Variants in NDUFA10 observed in about 807,000 individuals in gnomAD.
NDUFA10 encodes the protein NADH:ubiquinone oxidoreductase subunit A10.
Under a neutral mutation model 47.8 loss-of-function variants are expected in NDUFA10, and 40 were observed. The observed-to-expected ratio is 0.84, with a 90% CI of 0.65 to 1.09. NDUFA10 has a LOEUF of 1.09. NDUFA10 is among the 50% of genes least tolerant of loss of function. The pLI, the probability that NDUFA10 is intolerant of heterozygous loss-of-function variation, is 0.00. For missense variants in NDUFA10, 413 were observed against 451.1 expected (o/e 0.92, Z 0.76); for synonymous variants, 183 against 172.2 (o/e 1.06, Z -0.49).
intron 4 of NDUFA10, among the ~76,000 whole-genome samples, chr2:239,937,901 C>T (rs1046710432): frequency 1.3e-5 from 2 of 152,218 alleles, no homozygotes; most frequent in African/African-American, 4.8e-5. Context: ...TGTAACACAC[C>T]TCACAGCTGA....
chr2:239,893,417 TG>T (rs1381191607), intron 5 of NDUFA10, among the ~76,000 whole-genome samples: 1 of 152,234 alleles, frequency 6.6e-6, no homozygotes, highest in African/African-American at 2.4e-5. Context: ...TTAGTCCATC[TG>T]TGTTGCTGTA....
chr2:240,014,895 C>A (rs185348024), intron 4 of NDUFA10, 35 bp from the exon 5 acceptor site: 1 of 1,613,768 alleles, frequency 6.2e-7, no homozygotes, highest in African/African-American at 1.3e-5. Context: ...TGTCACCTAC[C>A]AGTCCCCACA....
At chr2:239,900,932 C>T (rs927248535) in intron 4 of NDUFA10, among the ~76,000 whole-genome samples, 4 of 152,222 alleles carry the variant, frequency 2.6e-5, no homozygotes, top group Non-Finnish European at 4.4e-5. Flanking sequence ...GGAGACGCTG[C>T]AGCAAGTTAT....
In NDUFA10 at chr2:239,961,176, C is replaced by A. The variant is rs201449418; in HGVS notation, c.1010G>T (p.Arg337Leu). 1.2e-6 allele frequency: 2 copies of A among 1,608,216 alleles called. No homozygotes were observed. Among genetic ancestry groups the A allele is most frequent in the South Asian group, 2.2e-5 (2 of 90,926 alleles). ...VLHQFRELPG[R>L]KYSPGYNTEV... is the part of the protein sequence containing the mutation. The stretch of plus-strand genomic sequence containing the variant: ...GGTGTTGTACCCAGGGCTGTACTTG[C>A]GGCCCGGCAGCTGTGGGGGAAAAAG... The change falls in exon 10 of 10, where the codon CGC becomes CTC. Residue 337 changes from arginine (R) to leucine (L), a missense_variant. Transcript: ENST00000252711.
rs114992919 is a variant in NDUFA10, at chr2:239,989,529, C to T, written c.999+545G>A. ...CTGCAACTCACCCGCTGGTTCCCAGCGAAACTTACACACGCCTCGAACCTA... is the reference window on the plus strand; with the variant it reads ...CTGCAACTCACCCGCTGGTTCCCAGTGAAACTTACACACGCCTCGAACCTA... On this transcript the variant is annotated intron_variant, in intron 9 of 9. Coordinates refer to ENST00000252711, the MANE Select transcript of NDUFA10 (RefSeq NM_004544.4). 2.0e-3 allele frequency among the ~76,000 whole-genome samples: 299 copies of T among 152,370 alleles called. 2 individuals are homozygous for T. Among genetic ancestry groups the T allele is most frequent in the Non-Finnish European group, 3.4e-3 (232 of 68,032 alleles).
At chr2:239,949,859 C>T (rs1694522775) in intron 4 of NDUFA10, among the ~76,000 whole-genome samples, 1 of 152,166 alleles carries the variant, frequency 6.6e-6, no homozygotes, top group Non-Finnish European at 1.5e-5. Flanking sequence ...CTCCAGCTTG[C>T]AGACAGCAGA....
At chr2:239,895,967 G>A (rs942067575) in intron 4 of NDUFA10, among the ~76,000 whole-genome samples, 2 of 152,156 alleles carry the variant, frequency 1.3e-5, no homozygotes, top group African/African-American at 4.8e-5. Flanking sequence ...GCTAATACAC[G>A]AAAGTAGAAT....
chr2:239,929,578 G>A (rs1694123853), intron 4 of NDUFA10, among the ~76,000 whole-genome samples: 1 of 151,830 alleles, frequency 6.6e-6, no homozygotes, highest in South Asian at 2.1e-4. Flanking sequence ...GCTCCAGCAA[G>A]CTGCCCTGCT....
intron 4 of NDUFA10, among the ~76,000 whole-genome samples, chr2:239,920,196 G>T (rs751166483): frequency 6.6e-6 from 1 of 152,224 alleles, no homozygotes; most frequent in South Asian, 2.1e-4. Flanking sequence ...CTCCAACCCC[G>T]TGTGAGGGTT....
chr2:239,903,118 C>A (rs1693583015), intron 4 of NDUFA10, among the ~76,000 whole-genome samples: 1 of 152,142 alleles, frequency 6.6e-6, no homozygotes, highest in Admixed American at 6.5e-5. Flanking sequence ...CTCACCTCTG[C>A]TTGGTGAGGT....
intron 4 of NDUFA10, among the ~76,000 whole-genome samples, chr2:240,015,645 C>T (rs971783214): frequency 7.9e-5 from 12 of 152,344 alleles, no homozygotes; most frequent in African/African-American, 1.4e-4. Flanking sequence ...CCGCAGGGCC[C>T]GTGCCACCCA....
At chr2:239,932,675 G>A (rs1025115053) in intron 4 of NDUFA10, among the ~76,000 whole-genome samples, 2 of 152,030 alleles carry the variant, frequency 1.3e-5, no homozygotes, top group Non-Finnish European at 2.9e-5. Flanking sequence ...CACCTCCCGG[G>A]TTCACGCCAT....
chr2:239,944,951 C>T lies in NDUFA10; in HGVS notation c.294+45123G>A, dbSNP rs1241459072. ...ACACTGGCCCTCCCAGGCTGCACCC[C>T]GCGCCCAGAGCTCATCTCCAGACAC... On this transcript the variant is annotated intron_variant, in intron 4 of 5. Transcript: ENST00000419408. Among the ~76,000 whole-genome samples, 8 of 144,440 alleles carry T rather than the reference C, an allele frequency of 5.5e-5. No individual in the cohort carries two copies. The South Asian group carries it at 6.2e-4, about 11-fold the overall frequency. The allele number at this position is 144,440 out of a possible 152,430, so 94.8% of individuals were successfully genotyped here. A position where few individuals can be genotyped will look rare whatever the true frequency, so the allele number is the denominator to read the frequency against.
chr2:239,956,119 C>T (rs779426809), downstream of NDUFA10, among the ~76,000 whole-genome samples: 3 of 152,144 alleles, frequency 2.0e-5, no homozygotes, highest in Non-Finnish European at 2.9e-5. Context: ...TCACTGACTC[C>T]CAAGAGCTAG....
chr2:240,022,214 T>G lies in NDUFA10; in HGVS notation c.202A>C (p.Thr68Pro). 1 of 1,614,148 alleles carries G rather than the reference T, an allele frequency of 6.2e-7. No homozygotes were observed. The highest frequency in any genetic ancestry group is 1.7e-4 in the Middle Eastern group (1 of 6,060). The change falls in exon 2 of 10, where the codon ACT (threonine) becomes CCT (proline). Residue 68 changes from threonine to proline, a missense_variant. Coordinates refer to ENST00000252711, the MANE Select transcript of NDUFA10 (RefSeq NM_004544.4). ...RVITVDGNIC[T>P]GKGKLAKEIA... ...TCTTTTGCAAGTTTGCCTTTTCCAG[T>G]ACATATATTGCCATCTACAGTTATC...
intron 4 of NDUFA10, among the ~76,000 whole-genome samples, chr2:239,910,455 C>T (rs1432458751): frequency 6.6e-6 from 1 of 152,154 alleles, no homozygotes; most frequent in Non-Finnish European, 1.5e-5. Flanking sequence ...CTCAGTCAAA[C>T]TAATGCAGGA....
chr2:239,938,877 A>G (rs1408536307), intron 4 of NDUFA10, among the ~76,000 whole-genome samples: 1 of 152,208 alleles, frequency 6.6e-6, no homozygotes, highest in Non-Finnish European at 1.5e-5. Context: ...ACACATACCC[A>G]GCACAGCCAG....
downstream of NDUFA10, among the ~76,000 whole-genome samples, chr2:239,955,725 A>T (rs375317891): frequency 1.4e-4 from 21 of 152,290 alleles, no homozygotes; most frequent in South Asian, 3.5e-3. Context: ...GGCAGGCCCA[A>T]GGGGAGCCGA....
rs1028514013 is a variant in NDUFA10, at chr2:240,018,743, T to C, written c.461-104A>G. The C allele has an allele frequency of 1.5e-5, 19 of 1,248,000 alleles. No homozygotes were observed. The African/African-American group carries it at 2.7e-4, about 18-fold the overall frequency. The allele number at this position is 1,248,000 out of a possible 1,614,324, so 77.3% of individuals were successfully genotyped here. ...AAAAGAAAATAACAATCATTTACAA[T>C]TCCATTTCCACACCAAAATACTGAA... On this transcript the variant is annotated intron_variant, in intron 3 of 9. Coordinates refer to ENST00000252711, the MANE Select transcript of NDUFA10 (RefSeq NM_004544.4).
Sources: allele counts gnomAD v4.1 joint callset (sites outside exome capture counted in the v4.1 genomes callset), GRCh38; gene constraint gnomAD v4.1.1; transcripts MANE v1.5; gene names NCBI Gene and HGNC (gene_info 2026-07-23, HGNC 2026-07-21).